The following SPON1 variants were observed in gnomAD, a reference collection of about 807,000 sequenced individuals.
SPON1 encodes spondin 1, also known as spondin-1.
Under a neutral mutation model 111.7 loss-of-function variants are expected in SPON1, and 52 were observed. The ratio of observed to expected loss-of-function variants is 0.47; its 90% confidence interval spans 0.37 to 0.59. The LOEUF (loss-of-function observed/expected upper bound fraction) is 0.59. SPON1 is among the 20% of genes least tolerant of loss of function. The pLI is 0.00. For synonymous variants in SPON1, 410 were observed against 395.8 expected, an observed-to-expected ratio of 1.04 and a Z score of -0.43; for missense variants, 957 against 1,068.5, an observed-to-expected ratio of 0.90 and a Z score of 1.46.
intron 5 of SPON1, among the ~76,000 whole-genome samples, chr11:14,127,866 ACAAG>A (rs1358592362): frequency 1.3e-5 from 2 of 152,204 alleles, no homozygotes; most frequent in East Asian, 3.8e-4. Flanking sequence ...AAGGTGAAAG[ACAAG>A]CAAGCACCTT....
intron 6 of SPON1, among the ~76,000 whole-genome samples, chr11:14,171,395 A>G (rs1441592381): frequency 2.0e-5 from 3 of 151,964 alleles, no homozygotes; most frequent in South Asian, 2.1e-4. Context: ...TTTCTTTATT[A>G]GTCTTGCTAG....
intron 2 of SPON1, among the ~76,000 whole-genome samples, chr11:13,985,992 C>T (rs1848179600): frequency 6.6e-6 from 1 of 152,174 alleles, no homozygotes; most frequent in African/African-American, 2.4e-5. Context: ...CCTTCCAAAT[C>T]TATCATGAAA....
intron 5 of SPON1, among the ~76,000 whole-genome samples, chr11:14,130,416 T>C (rs1260256177): frequency 2.0e-5 from 3 of 152,202 alleles, no homozygotes; most frequent in African/African-American, 7.2e-5. Flanking sequence ...GACATAACAA[T>C]AGTTAACATG....
rs147143397 is a variant in SPON1 at position 14,164,519 on chromosome 11, C to A, written c.825+28951C>A. ...GACTGTCCACCTACAAACTTTTTTACATAAGACAAAAATAAACCCGTTCTA... is the reference window on the plus strand; with the variant it reads ...GACTGTCCACCTACAAACTTTTTTAAATAAGACAAAAATAAACCCGTTCTA... On this transcript the variant is annotated intron_variant, in intron 6 of 15. Transcript: ENST00000576479. Among the ~76,000 whole-genome samples the A allele has an allele frequency of 3.0e-4, 45 of 152,242 alleles. 1 individual carries two copies. The highest frequency in any genetic ancestry group is 1.0e-3 in the African/African-American group (43 of 41,528).
At chr11:13,964,690 G>C (rs763135549) in intron 1 of SPON1, among the ~76,000 whole-genome samples, 3 of 152,310 alleles carry the variant, frequency 2.0e-5, no homozygotes, top group Middle Eastern at 6.8e-3. Flanking sequence ...CCCAGCCCGG[G>C]AGGGAGCGCG....
chr11:14,125,766 G>A (rs1206234920), intron 5 of SPON1, among the ~76,000 whole-genome samples: 5 of 152,166 alleles, frequency 3.3e-5, no homozygotes, highest in Admixed American at 6.5e-5. Flanking sequence ...GGTATGTGGC[G>A]GGGCAGGGCG....
intron 2 of SPON1, among the ~76,000 whole-genome samples, chr11:14,005,409 C>A (rs1431191007): frequency 6.6e-6 from 1 of 152,182 alleles, no homozygotes; most frequent in African/African-American, 2.4e-5. Flanking sequence ...TGTCCTGTAA[C>A]CTTTTCTGTC....
At chr11:14,203,278 C>T (rs1423894351) in intron 6 of SPON1, among the ~76,000 whole-genome samples, 1 of 152,150 alleles carries the variant, frequency 6.6e-6, no homozygotes, top group Non-Finnish European at 1.5e-5. Flanking sequence ...TTTAATATCA[C>T]CCAATCACCT....
intron 6 of SPON1, among the ~76,000 whole-genome samples, chr11:14,220,263 T>A: frequency 6.6e-6 from 1 of 152,226 alleles, no homozygotes; most frequent in African/African-American, 2.4e-5. Flanking sequence ...GCACATACCA[T>A]CAAATTCAAG....
chr11:14,020,505 G>A (rs1243825834), intron 2 of SPON1, among the ~76,000 whole-genome samples: 1 of 152,284 alleles, frequency 6.6e-6, no homozygotes, highest in East Asian at 1.9e-4. Context: ...TATTAGTTTG[G>A]CACTGTGTGC....
intron 13 of SPON1, among the ~76,000 whole-genome samples, chr11:14,260,333 T>C (rs536026210): frequency 3.5e-4 from 53 of 152,222 alleles, no homozygotes; most frequent in African/African-American, 1.2e-3. Context: ...GGGACTTATG[T>C]AGTCATATTG....
intron 6 of SPON1, among the ~76,000 whole-genome samples, chr11:14,236,992 G>A (rs547582937): frequency 6.6e-4 from 101 of 152,310 alleles, no homozygotes; most frequent in Non-Finnish European, 1.2e-3. Flanking sequence ...CAGACCATGG[G>A]CAAACTGCAA....
At chr11:14,198,317 C>T (rs1409714428) in intron 6 of SPON1, among the ~76,000 whole-genome samples, 1 of 152,180 alleles carries the variant, frequency 6.6e-6, no homozygotes, top group Non-Finnish European at 1.5e-5. Flanking sequence ...AATGCAGGTG[C>T]CTGGAGGTAA....
chr11:14,156,266 G>A (rs1251598128), intron 6 of SPON1, among the ~76,000 whole-genome samples: 2 of 146,598 alleles, frequency 1.4e-5, no homozygotes, highest in African/African-American at 5.0e-5. Flanking sequence ...TTTTTTTCAT[G>A]TGTTTTTTGG....
At chr11:14,069,253 TG>T (rs1165281962) in intron 3 of SPON1, among the ~76,000 whole-genome samples, 1 of 152,148 alleles carries the variant, frequency 6.6e-6, no homozygotes, top group South Asian at 2.1e-4. Flanking sequence ...ACCTCTTGGT[TG>T]GGGGGATTAA....
At chr11:14,254,030 C>T (rs754830284) in intron 7 of SPON1, among the ~76,000 whole-genome samples, 1 of 152,164 alleles carries the variant, frequency 6.6e-6, no homozygotes, top group Admixed American at 6.5e-5. Flanking sequence ...CTGGGGGTGT[C>T]GGCCAAAGGT....
chr11:14,198,466 A>G (rs541955672), intron 6 of SPON1, among the ~76,000 whole-genome samples: 1 of 152,322 alleles, frequency 6.6e-6, no homozygotes, highest in East Asian at 1.9e-4. Flanking sequence ...GTTTGTTGCT[A>G]TGGAATTTGA....
In SPON1 at chr11:14,098,949, T is replaced by C. The variant is rs1448492100; in HGVS notation, c.676+18928T>C. ...ATTCCTGATTTTTAAATCAACTCTTTATCTGACTGTAGTCTCAAGGCCATA... is the reference window on the plus strand; with the variant it reads ...ATTCCTGATTTTTAAATCAACTCTTCATCTGACTGTAGTCTCAAGGCCATA... On this transcript the variant is annotated intron_variant, in intron 5 of 15. Coordinates refer to ENST00000576479, the MANE Select transcript of SPON1 (RefSeq NM_006108.4). 2.0e-5 allele frequency among the ~76,000 whole-genome samples: 3 copies of C among 152,336 alleles called. No homozygotes were observed. The East Asian group carries it at 5.8e-4, about 29-fold the overall frequency.
chr11:14,002,836 A>G (rs981685671), intron 2 of SPON1, among the ~76,000 whole-genome samples: 9 of 152,160 alleles, frequency 5.9e-5, no homozygotes, highest in African/African-American at 1.9e-4. Flanking sequence ...CAAGTTGGCC[A>G]GGAAGATAGT....
Sources: gnomAD v4.1 joint callset for allele counts (sites outside exome capture counted in the v4.1 genomes callset) on GRCh38, gnomAD v4.1.1 for gene constraint, MANE v1.5 for transcripts, NCBI Gene and HGNC (gene_info 2026-07-23, HGNC 2026-07-21) for gene names.